Variants in IQSEC1 observed in about 807,000 individuals in gnomAD.
The protein encoded by IQSEC1 is IQ motif and Sec7 domain ArfGEF 1.
Under a neutral mutation model 91.0 loss-of-function variants are expected in IQSEC1, and 31 were observed. That is an observed-to-expected ratio of 0.34 (90% CI 0.26 to 0.46). The LOEUF (loss-of-function observed/expected upper bound fraction) is 0.46. Ranked by LOEUF, IQSEC1 falls within the 20% of genes least tolerant of loss-of-function variation. The pLI is 1.00. For missense variants in IQSEC1, 1,388 were observed against 1,575.6 expected, an observed-to-expected ratio of 0.88 and a Z score of 2.02; for synonymous variants, 699 against 662.6, an observed-to-expected ratio of 1.05 and a Z score of -0.84.
At chr3:13,223,822 G>C (rs73134174) in intron 1 of IQSEC1, among the ~76,000 whole-genome samples, 9,616 of 152,278 alleles carry the variant, frequency 0.063, 437 homozygotes, top group East Asian at 0.13. Context: ...CAGACTCAGA[G>C]AGAGGAGGGA....
intron 1 of IQSEC1, among the ~76,000 whole-genome samples, chr3:13,215,204 G>A (rs1338566834): frequency 6.6e-6 from 1 of 152,020 alleles, no homozygotes; most frequent in Non-Finnish European, 1.5e-5. Flanking sequence ...CCGCCAGTGG[G>A]ATGGAAAAGG....
At chr3:13,134,703 C>G (rs1220898578) in intron 2 of IQSEC1, among the ~76,000 whole-genome samples, 1 of 152,200 alleles carries the variant, frequency 6.6e-6, no homozygotes, top group Non-Finnish European at 1.5e-5. Context: ...TACCCAGGAG[C>G]CCTGTAGTCT....
chr3:13,167,506 G>A (rs1000177275), intron 1 of IQSEC1, among the ~76,000 whole-genome samples: 6 of 152,118 alleles, frequency 3.9e-5, no homozygotes, highest in South Asian at 2.1e-4. Flanking sequence ...AAGTCTGCAC[G>A]CATCAGCCTG....
At chr3:13,186,329 T>C (rs527775800) in intron 1 of IQSEC1, among the ~76,000 whole-genome samples, 6 of 152,246 alleles carry the variant, frequency 3.9e-5, no homozygotes, top group South Asian at 2.1e-4. Flanking sequence ...TCTTAGACCA[T>C]GAATTGTGAT....
intron 1 of IQSEC1, among the ~76,000 whole-genome samples, chr3:13,178,258 T>A (rs539195801): frequency 1.3e-5 from 2 of 152,254 alleles, no homozygotes; most frequent in African/African-American, 4.8e-5. Flanking sequence ...GGTGGCCAGA[T>A]AGACACAAGA....
At chr3:12,929,383 G>A (rs369922742) in intron 3 of IQSEC1, among the ~76,000 whole-genome samples, 27 of 152,322 alleles carry the variant, frequency 1.8e-4, no homozygotes, top group Non-Finnish European at 2.4e-4. Flanking sequence ...GCAGAAGGAC[G>A]GGCAGGAAAG....
chr3:13,194,016 C>T (rs1487936943), intron 1 of IQSEC1, among the ~76,000 whole-genome samples: 1 of 152,206 alleles, frequency 6.6e-6, no homozygotes, highest in Non-Finnish European at 1.5e-5. Context: ...TGGCCGACAG[C>T]CCCCTTTCCT....
At chr3:13,221,300 C>T (rs572786064) in intron 1 of IQSEC1, among the ~76,000 whole-genome samples, 12 of 152,312 alleles carry the variant, frequency 7.9e-5, no homozygotes, top group East Asian at 5.8e-4. Context: ...GCCTGACCCA[C>T]GCCCCTCTGC....
Position 12,935,616 on chromosome 3 carries a change from T to C in IQSEC1, c.1400A>G (p.Asp467Gly), listed in dbSNP as rs1169772507. 3.7e-6 allele frequency: 6 copies of C among 1,614,118 alleles called. No homozygotes were observed. In the South Asian group the frequency reaches 5.5e-5, roughly 15 times the overall value. ...DSINSTSNSNDTINCSSESSS... is the reference protein window; with the variant it reads ...DSINSTSNSNGTINCSSESSS... ...TGACTCGGAGCTGCAGTTGATGGTATCGTTGGAGTTGGACGTGCTGTTGAT... is the reference window on the plus strand; with the variant it reads ...TGACTCGGAGCTGCAGTTGATGGTACCGTTGGAGTTGGACGTGCTGTTGAT... The change falls in exon 3 of 14, where the codon GAT becomes GGT. Residue 467 changes from aspartate to glycine, a missense_variant. Physicochemically the swap from Asp to Gly is moderately conservative, Grantham distance 94. This residue lies in a region of IQSEC1 where 1,059 missense variants were observed against 1,317.8 expected (regional missense o/e 0.80). Coordinates refer to ENST00000613206, the MANE Select transcript of IQSEC1 (RefSeq NM_001134382.3). The surrounding 1 kb of genome is among the most constrained non-coding windows in gnomAD (Gnocchi z 8.0).
chr3:13,269,328 A>G (rs1427691446), intron 1 of IQSEC1, among the ~76,000 whole-genome samples: 8 of 152,210 alleles, frequency 5.3e-5, no homozygotes, highest in Admixed American at 3.3e-4. Context: ...AGCCATCCAC[A>G]TCGCACTGCA....
intron 3 of IQSEC1, among the ~76,000 whole-genome samples, chr3:12,925,934 C>CT (rs1697084961): frequency 5.9e-5 from 9 of 152,364 alleles, no homozygotes; most frequent in Admixed American, 4.6e-4. Context: ...CAGGCCCCTT[C>CT]TCCCTTGGGG....
chr3:12,912,816 C>T (rs1695697652), intron 9 of IQSEC1, among the ~76,000 whole-genome samples: 1 of 152,222 alleles, frequency 6.6e-6, no homozygotes, highest in Admixed American at 6.5e-5. Flanking sequence ...GCATCCATGC[C>T]ACCTTTTTTT....
rs1453212927 is a variant in IQSEC1 at position 12,922,066 on chromosome 3, C to T, written c.1853+54G>A. 4 of 1,514,054 alleles carry T rather than the reference C, an allele frequency of 2.6e-6. No individual in the cohort carries two copies. In the Admixed American group the frequency reaches 6.0e-5, roughly 23 times the overall value. 93.8% of individuals were successfully genotyped at this position (1,514,054 alleles called of 1,614,324 possible). Reference sequence around the variant, plus strand: ...TTTGGTCCATCCTCGGGCCCTGAAGCTGGGGGACACCATTCTTCCCTGATG... The same window carrying T: ...TTTGGTCCATCCTCGGGCCCTGAAGTTGGGGGACACCATTCTTCCCTGATG... On this transcript the variant is annotated intron_variant, in intron 5 of 13. Transcript: ENST00000613206. The surrounding 1 kb of genome is among the most constrained non-coding windows in gnomAD (Gnocchi z 5.1).
chr3:13,042,957 C>T (rs544540353), intron 1 of IQSEC1, among the ~76,000 whole-genome samples: 3 of 152,230 alleles, frequency 2.0e-5, no homozygotes, highest in African/African-American at 7.2e-5. Context: ...TCGGCCTGTG[C>T]GAGGGAAAAC....
intron 2 of IQSEC1, among the ~76,000 whole-genome samples, chr3:13,119,771 T>C (rs1303332172): frequency 1.3e-5 from 2 of 152,186 alleles, no homozygotes; most frequent in South Asian, 2.1e-4. Context: ...AAGCCAAGGA[T>C]AGGCGGCAGG....
intron 1 of IQSEC1, among the ~76,000 whole-genome samples, chr3:13,010,268 CA>C: frequency 6.6e-6 from 1 of 152,206 alleles, no homozygotes; most frequent in African/African-American, 2.4e-5. Flanking sequence ...TCCGGTAAGA[CA>C]CCCCAATTTT....
At chr3:12,915,243 G>A in intron 7 of IQSEC1, 110 bp from the exon 8 acceptor site, 1 of 1,203,078 alleles carries the variant, frequency 8.3e-7, no homozygotes, top group Non-Finnish European at 1.2e-6. Context: ...CACCCAGCCA[G>A]TATGTGGGGT....
chr3:13,060,682 G>A (rs1705034655), intron 1 of IQSEC1, among the ~76,000 whole-genome samples: 1 of 152,228 alleles, frequency 6.6e-6, no homozygotes, highest in South Asian at 2.1e-4. Flanking sequence ...GGCAGGGTGG[G>A]GGCCGGTATG....
At position 13,148,285 on chromosome 3, in the gene IQSEC1, G is replaced by A. The variant is rs552903186; in HGVS notation, c.302+15819C>T. ...TCGCCATCCTCACAGAGGGAGGGAG[G>A]AGGGAGGCCTGGTACGGGGGCAAGG... On this transcript the variant is annotated intron_variant, in intron 2 of 15. Transcript: ENST00000648114. 4.0e-4 allele frequency among the ~76,000 whole-genome samples: 61 copies of A among 152,258 alleles called. No individual in the cohort carries two copies. The South Asian group carries it at 8.1e-3, about 20-fold the overall frequency.
Sources: gnomAD v4.1 joint callset for allele counts (sites outside exome capture counted in the v4.1 genomes callset) on GRCh38, gnomAD v4.1.1 for gene constraint, gnomAD v4.1.1 regional missense constraint, Gnocchi (gnomAD v3.1) non-coding constraint, MANE v1.5 for transcripts, NCBI Gene and HGNC (gene_info 2026-07-23, HGNC 2026-07-21) for gene names.